Variants in PAK5 observed in about 807,000 individuals in gnomAD.
PAK5 encodes p21 (RAC1) activated kinase 5, also known as serine/threonine-protein kinase PAK 5.
A neutral mutation model predicts 65.9 loss-of-function variants in PAK5; 16 were observed. The ratio of observed to expected loss-of-function variants is 0.24; its 90% CI spans 0.16 to 0.37. PAK5 has a LOEUF of 0.37. Among genes scored for constraint, PAK5 ranks in the 10% least tolerant of loss-of-function variants. The pLI is 1.00. For missense variants in PAK5, 785 were observed against 903.9 expected (o/e 0.87, Z 1.69); for synonymous variants, 371 against 354.9 (o/e 1.05, Z -0.51).
intron 1 of PAK5, among the ~76,000 whole-genome samples, chr20:9,804,830 C>G (rs1413130792): frequency 6.6e-6 from 1 of 152,114 alleles, no homozygotes. Flanking sequence ...GGAAGGATTG[C>G]TTGAGGCCAG....
At position 9,566,279 on chromosome 20, in the gene PAK5, A is replaced by AG. The variant is rs773465162; in HGVS notation, c.1095dup (p.Tyr366LeufsTer65). On this transcript the variant is annotated frameshift_variant, in exon 5 of 10. Coordinates refer to ENST00000353224, the MANE Select transcript of PAK5 (RefSeq NM_177990.4). LOFTEE classifies it high-confidence loss of function. ...GGGTACTGGTGACTGCTTGAGGAAT[A>AG]GCCCGATTTGCTTTGACTTTGAGGT... 6.2e-7 allele frequency: 1 copy of AG among 1,613,704 alleles called. No individual in the cohort carries two copies. Among genetic ancestry groups the AG allele is most frequent in the Non-Finnish European group, 8.5e-7 (1 of 1,179,964 alleles).
intron 1 of PAK5, among the ~76,000 whole-genome samples, chr20:9,782,981 G>A (rs1485178786): frequency 6.7e-6 from 1 of 149,886 alleles, no homozygotes; most frequent in African/African-American, 2.5e-5. Flanking sequence ...CCAGGCTGGA[G>A]TGTAATGGCA....
intron 1 of PAK5, among the ~76,000 whole-genome samples, chr20:9,769,065 T>C (rs959396632): frequency 1.3e-5 from 2 of 152,210 alleles, no homozygotes; most frequent in African/African-American, 4.8e-5. Context: ...AACAATATAA[T>C]GACAAGCATC....
At chr20:9,637,169 AT>A (rs948741195) in intron 3 of PAK5, among the ~76,000 whole-genome samples, 1 of 151,712 alleles carries the variant, frequency 6.6e-6, no homozygotes, top group East Asian at 1.9e-4. Flanking sequence ...CCTGGCTAAT[AT>A]TTTTTTTATT....
intron 1 of PAK5, among the ~76,000 whole-genome samples, chr20:9,789,719 G>A (rs1433185478): frequency 1.3e-5 from 2 of 152,078 alleles, no homozygotes; most frequent in African/African-American, 2.4e-5. Context: ...GAGTTTGGGG[G>A]CAGACAAACT....
rs150849970 is a variant in PAK5 at position 9,640,405 on chromosome 20, G to C, written c.204+3720C>G. Among the ~76,000 whole-genome samples, 1,324 of 151,952 alleles carry C rather than the reference G, an allele frequency of 8.7e-3. 9 individuals are homozygous for C. Among genetic ancestry groups the C allele is most frequent in the South Asian group, 0.014 (69 of 4,794 alleles). On this transcript the variant is annotated intron_variant, in intron 3 of 9. Coordinates refer to ENST00000353224, the MANE Select transcript of PAK5 (RefSeq NM_177990.4). ...AGGACATGAACTCATCATTTTTTAT[G>C]GCTGCATAGTATTCCATGGTATATA...
intron 8 of PAK5, among the ~76,000 whole-genome samples, 162 bp downstream of exon 8, chr20:9,544,207 C>T (rs2045308993): frequency 6.6e-6 from 1 of 152,172 alleles, no homozygotes. Flanking sequence ...AGGCTCCCAC[C>T]TGCCACAGCC....
chr20:9,633,904 T>C (rs1371169885), intron 3 of PAK5, among the ~76,000 whole-genome samples: 3 of 152,226 alleles, frequency 2.0e-5, no homozygotes, highest in Non-Finnish European at 2.9e-5. Context: ...ACAATTGCTT[T>C]AAAATGGTAC....
At chr20:9,581,039 C>CTTAA in intron 3 of PAK5, 109 bp from the exon 4 acceptor site, 1 of 742,780 alleles carries the variant, frequency 1.3e-6, no homozygotes, top group African/African-American at 1.7e-5. Flanking sequence ...AGAAAAAAGA[C>CTTAA]CCCGGGAACA....
chr20:9,782,330 C>T (rs2048949450), intron 1 of PAK5, among the ~76,000 whole-genome samples: 1 of 152,154 alleles, frequency 6.6e-6, no homozygotes, highest in African/African-American at 2.4e-5. Context: ...TACTCCAACC[C>T]AGCCCATCCA....
intron 3 of PAK5, among the ~76,000 whole-genome samples, chr20:9,619,384 C>T (rs989875385): frequency 6.6e-5 from 10 of 152,306 alleles, no homozygotes; most frequent in Middle Eastern, 3.4e-3. Flanking sequence ...ATTCCTTCCA[C>T]GCTTCTCTTT....
intron 1 of PAK5, among the ~76,000 whole-genome samples, chr20:9,775,107 G>A (rs912832034): frequency 7.2e-5 from 11 of 152,180 alleles, no homozygotes; most frequent in African/African-American, 2.7e-4. Flanking sequence ...ATTGGGGGTG[G>A]TAGCAAATGA....
chr20:9,627,173 C>T (rs1914864699), intron 3 of PAK5, among the ~76,000 whole-genome samples: 1 of 152,208 alleles, frequency 6.6e-6, no homozygotes, highest in African/African-American at 2.4e-5. Context: ...GAAGGTTTAT[C>T]ACATTCAGCT....
At chr20:9,813,499 A>G (rs978468717) in intron 1 of PAK5, among the ~76,000 whole-genome samples, 28 of 152,220 alleles carry the variant, frequency 1.8e-4, no homozygotes, top group African/African-American at 6.3e-4. Context: ...TTTAAGTAAT[A>G]CAGTTAAAAT....
At chr20:9,721,953 C>T (rs974871960) in intron 1 of PAK5, among the ~76,000 whole-genome samples, 3 of 152,104 alleles carry the variant, frequency 2.0e-5, no homozygotes, top group Non-Finnish European at 4.4e-5. Flanking sequence ...TATTTTCATT[C>T]TAGCTGTAAT....
At chr20:9,686,625 C>T (rs1357836592) in intron 2 of PAK5, among the ~76,000 whole-genome samples, 1 of 152,170 alleles carries the variant, frequency 6.6e-6, no homozygotes, top group Non-Finnish European at 1.5e-5. Context: ...CATCCCCTAT[C>T]CCCTTCGACC....
chr20:9,623,444 G>C (rs1390081649), intron 3 of PAK5, among the ~76,000 whole-genome samples: 1 of 152,106 alleles, frequency 6.6e-6, no homozygotes, highest in Admixed American at 6.6e-5. Context: ...AAAGCATTAA[G>C]TAATAGGGAA....
chr20:9,836,272 C>T (rs1979141059), intron 1 of PAK5, among the ~76,000 whole-genome samples: 1 of 152,112 alleles, frequency 6.6e-6, no homozygotes, highest in Non-Finnish European at 1.5e-5. Flanking sequence ...AGAATTCATG[C>T]CCATCCAGAA....
intron 3 of PAK5, among the ~76,000 whole-genome samples, chr20:9,625,587 G>A (rs1372703155): frequency 6.6e-6 from 1 of 151,874 alleles, no homozygotes; most frequent in South Asian, 2.1e-4. Context: ...TTTTTCTTAC[G>A]GAGAAGGTCT....
Sources: gnomAD v4.1 joint callset for allele counts (sites outside exome capture counted in the v4.1 genomes callset) on GRCh38, gnomAD v4.1.1 for gene constraint, MANE v1.5 for transcripts, NCBI Gene and HGNC (gene_info 2026-07-23, HGNC 2026-07-21) for gene names.